Variants in RALGDS observed in about 807,000 individuals in gnomAD.
The protein encoded by RALGDS is ral guanine nucleotide dissociation stimulator.
Under a neutral mutation model 99.8 loss-of-function variants are expected in RALGDS, and 44 were observed. The ratio of observed to expected loss-of-function variants is 0.44; its 90% CI spans 0.35 to 0.57. RALGDS has a LOEUF of 0.57. Among genes scored for constraint, RALGDS ranks in the 20% least tolerant of loss-of-function variants. The pLI, the probability that RALGDS is intolerant of heterozygous loss-of-function variation, is 0.01. For synonymous variants in RALGDS, 529 were observed against 505.0 expected, an observed-to-expected ratio of 1.05 and a Z score of -0.64; for missense variants, 1,022 against 1,203.1, an observed-to-expected ratio of 0.85 and a Z score of 2.23.
At chr9:133,143,956 GC>G (rs1554745734) in intron 1 of RALGDS, among the ~76,000 whole-genome samples, 1 of 151,698 alleles carries the variant, frequency 6.6e-6, no homozygotes, top group Non-Finnish European at 1.5e-5. Context: ...ACACTGCCTC[GC>G]CCCTTTGTAT....
intron 1 of RALGDS, chr9:133,129,471 C>T: frequency 7.3e-7 from 1 of 1,377,210 alleles, no homozygotes; most frequent in Non-Finnish European, 9.4e-7. Flanking sequence ...ACAGGCAGGA[C>T]CAGGAATTCC....
chr9:133,122,659 T>G (rs375834473), upstream of RALGDS, among the ~76,000 whole-genome samples: 1 of 152,268 alleles, frequency 6.6e-6, no homozygotes, highest in East Asian at 1.9e-4. Flanking sequence ...TTCATTTTAC[T>G]TCTCTGAATT....
intron 17 of RALGDS, chr9:133,099,402 G>T (rs1348037133): frequency 6.5e-6 from 1 of 153,162 alleles, no homozygotes; most frequent in Non-Finnish European, 1.5e-5. Context: ...TAACCGAAAT[G>T]GTGCAAGAAG....
chr9:133,100,689 C>A (rs911199970), intron 16 of RALGDS: 2 of 1,263,260 alleles, frequency 1.6e-6, no homozygotes, highest in Non-Finnish European at 2.0e-6. Context: ...GCACTTGCCC[C>A]TCCAGGATAA....
intron 1 of RALGDS, among the ~76,000 whole-genome samples, chr9:133,117,010 C>T (rs560656135): frequency 2.6e-5 from 4 of 152,214 alleles, no homozygotes; most frequent in African/African-American, 4.8e-5. Context: ...CCTGCATCTC[C>T]GAGAGGTTTG....
intron 1 of RALGDS, among the ~76,000 whole-genome samples, chr9:133,116,378 A>G (rs1476608765): frequency 6.6e-6 from 1 of 152,202 alleles, no homozygotes; most frequent in Non-Finnish European, 1.5e-5. Flanking sequence ...CTGGGAACCA[A>G]CCAGTGCTGA....
intron 1 of RALGDS, among the ~76,000 whole-genome samples, chr9:133,113,142 G>T (rs115385348): frequency 0.015 from 2,310 of 152,254 alleles, 62 homozygotes; most frequent in African/African-American, 0.052. Flanking sequence ...TAGAGGAGCC[G>T]GGGGGTTAAG....
chr9:133,103,663 G>A lies in RALGDS; in HGVS notation c.1758+84C>T, dbSNP rs1830866860. On this transcript the variant is annotated intron_variant, in intron 11 of 17. Transcript: ENST00000372050. The stretch of plus-strand genomic sequence containing the variant: ...GCACTGAGCTGTTTACTCATTGCTG[G>A]GACAGGTGTGGCAGCCCAGCCCCCA... 1.1e-5 allele frequency: 15 copies of A among 1,356,456 alleles called. No homozygotes were observed. The South Asian group carries it at 1.8e-4, about 16-fold the overall frequency. The allele number at this position is 1,356,456 out of a possible 1,614,324, so 84.0% of individuals were successfully genotyped here. A position where few individuals can be genotyped will look rare whatever the true frequency, so the allele number is the denominator to read the frequency against.
At chr9:133,118,209 G>A (rs1390842208) in intron 1 of RALGDS, among the ~76,000 whole-genome samples, 3 of 152,236 alleles carry the variant, frequency 2.0e-5, no homozygotes, top group Admixed American at 2.0e-4. Context: ...ACACATGCAT[G>A]CAGGGACACA....
In RALGDS at chr9:133,108,183, T is replaced by C. The variant is rs777681321; in HGVS notation, c.1002A>G (p.Glu334=). ...GATCCTGTTCTGGAGCTGGCTCTAG[T>C]TCCAGAGCTGGCGCTGGAGCCGATT... is the stretch of plus-strand genomic sequence containing the variant. ...GLESAPAPAL[E]LEPAPEQDPA... The change falls in exon 6 of 18, where the codon GAA becomes GAG. Residue 334 remains glutamate, a synonymous_variant. Coordinates refer to ENST00000372050, the MANE Select transcript of RALGDS (RefSeq NM_006266.4). 6 of 1,613,422 alleles carry C rather than the reference T, an allele frequency of 3.7e-6. No individual in the cohort carries two copies. The South Asian group carries it at 4.4e-5, about 12-fold the overall frequency.
upstream of RALGDS, among the ~76,000 whole-genome samples, chr9:133,123,867 CAG>C (rs1233161139): frequency 2.3e-5 from 3 of 127,868 alleles, no homozygotes; most frequent in African/African-American, 9.4e-5. Context: ...CAAAGATACA[CAG>C]AGATGCACAC....
intron 11 of RALGDS, chr9:133,103,539 C>G (rs1830862535): frequency 1.4e-6 from 1 of 694,986 alleles, no homozygotes. Context: ...TGGCTTCCCT[C>G]TGTGCTCAGG....
In RALGDS at chr9:133,102,855, T is replaced by C; in HGVS notation, c.1837A>G (p.Asn613Asp). 1 of 1,613,714 alleles carries C rather than the reference T, an allele frequency of 6.2e-7. No individual in the cohort carries two copies. Among genetic ancestry groups the C allele is most frequent in the Non-Finnish European group, 8.5e-7 (1 of 1,179,982 alleles). The change falls in exon 13 of 18, where the codon AAC becomes GAC. Residue 613 changes from asparagine to aspartate, a missense_variant. Coordinates refer to ENST00000372050, the MANE Select transcript of RALGDS (RefSeq NM_006266.4). ...AQIKLLQSAC[N>D]NYSIAPDEQF... ...TCATCTGGCGCGATGCTGTAGTTGTTGCAGGCCGACTGCAGCAGCTTGATC... is the reference window on the plus strand; with the variant it reads ...TCATCTGGCGCGATGCTGTAGTTGTCGCAGGCCGACTGCAGCAGCTTGATC...
intron 16 of RALGDS, 193 bp downstream of exon 16, chr9:133,101,327 T>C (rs1830745857): frequency 2.1e-6 from 3 of 1,445,450 alleles, no homozygotes; most frequent in Non-Finnish European, 2.8e-6. Flanking sequence ...GCACGGCTGC[T>C]CCTTTCCTCC....
chr9:133,143,762 TAATAATAATAACAACAAC>T (rs1434423484), intron 1 of RALGDS, among the ~76,000 whole-genome samples: 1 of 106,250 alleles, frequency 9.4e-6, no homozygotes, highest in Admixed American at 1.0e-4. Context: ...ATAATAATAA[TAATAATAATAACAACAAC>T]AACAACAATA....
chr9:133,142,354 CA>C (rs1564255539), intron 1 of RALGDS, among the ~76,000 whole-genome samples: 1 of 152,064 alleles, frequency 6.6e-6, no homozygotes, highest in East Asian at 1.9e-4. Flanking sequence ...CTTTTTGGGC[CA>C]GGGGTGGGTG....
intron 2 of RALGDS, among the ~76,000 whole-genome samples, chr9:133,111,725 G>C (rs993440288): frequency 1.3e-5 from 2 of 152,212 alleles, no homozygotes; most frequent in Non-Finnish European, 2.9e-5. Context: ...AGGAACCCCA[G>C]GGATGTGTTC....
At chr9:133,128,926 G>A (rs1832246880) in intron 1 of RALGDS, among the ~76,000 whole-genome samples, 1 of 152,198 alleles carries the variant, frequency 6.6e-6, no homozygotes, top group South Asian at 2.1e-4. Flanking sequence ...GGCCAAGCGT[G>A]TGCACACGGG....
intron 2 of RALGDS, among the ~76,000 whole-genome samples, chr9:133,111,725 G>A (rs993440288): frequency 6.6e-6 from 1 of 152,212 alleles, no homozygotes; most frequent in African/African-American, 2.4e-5. Context: ...AGGAACCCCA[G>A]GGATGTGTTC....
Sources: gnomAD v4.1 joint callset for allele counts (sites outside exome capture counted in the v4.1 genomes callset) on GRCh38, gnomAD v4.1.1 for gene constraint, MANE v1.5 for transcripts, NCBI Gene and HGNC (gene_info 2026-07-23, HGNC 2026-07-21) for gene names.